The following SWT1 variants were observed in gnomAD, a reference collection of about 807,000 sequenced individuals.
The protein encoded by SWT1 is SWT1 RNA endoribonuclease homolog.
Under a neutral mutation model 107.3 loss-of-function variants are expected in SWT1, and 33 were observed. The ratio of observed to expected loss-of-function variants is 0.31; its 90% CI spans 0.23 to 0.41. SWT1 has a LOEUF of 0.41. Among genes scored for constraint, SWT1 ranks in the 10% least tolerant of loss-of-function variants. SWT1 has a pLI of 1.00. For synonymous variants in SWT1, 345 were observed against 348.3 expected (o/e 0.99, Z 0.11); for missense variants, 898 against 1,028.9 (o/e 0.87, Z 1.74).
chr1:185,265,428 C>CT (rs1406881434), intron 16 of SWT1, among the ~76,000 whole-genome samples: 1 of 152,118 alleles, frequency 6.6e-6, no homozygotes, highest in Non-Finnish European at 1.5e-5. Flanking sequence ...AGATCCAAGA[C>CT]TTTTTTTCCT....
intron 16 of SWT1, among the ~76,000 whole-genome samples, chr1:185,248,111 C>G (rs1388742320): frequency 1.3e-5 from 2 of 152,180 alleles, no homozygotes; most frequent in Non-Finnish European, 2.9e-5. Flanking sequence ...TGCTTGGAAG[C>G]AGTTGTGAAC....
intron 16 of SWT1, among the ~76,000 whole-genome samples, chr1:185,241,039 A>G (rs932876181): frequency 6.6e-6 from 1 of 152,064 alleles, no homozygotes; most frequent in Non-Finnish European, 1.5e-5. Context: ...GACTTACTGT[A>G]TATATTGATA....
At chr1:185,266,645 A>G (rs1412434631) in intron 16 of SWT1, 1 of 151,376 alleles carries the variant, frequency 6.6e-6, no homozygotes, top group Non-Finnish European at 1.5e-5. Flanking sequence ...ATTTTTTTTT[A>G]AACCTTGAGT....
chr1:185,216,869 C>T (rs1659255784), intron 14 of SWT1, among the ~76,000 whole-genome samples: 1 of 151,580 alleles, frequency 6.6e-6, no homozygotes, highest in Admixed American at 6.6e-5. Context: ...GGAGAATTAC[C>T]TGAACCCAGG....
chr1:185,195,296 G>A (rs560017047), intron 10 of SWT1, among the ~76,000 whole-genome samples: 1 of 152,128 alleles, frequency 6.6e-6, no homozygotes, highest in African/African-American at 2.4e-5. Context: ...ATGGCTTCCA[G>A]TGTCATCCAT....
At chr1:185,259,656 T>A (rs996791505) in intron 16 of SWT1, among the ~76,000 whole-genome samples, 11 of 152,088 alleles carry the variant, frequency 7.2e-5, no homozygotes, top group African/African-American at 2.7e-4. Flanking sequence ...TGCTGACTCC[T>A]GGGGACATTG....
chr1:185,212,059 G>A (rs1658859457), intron 13 of SWT1, among the ~76,000 whole-genome samples: 1 of 152,064 alleles, frequency 6.6e-6, no homozygotes, highest in Non-Finnish European at 1.5e-5. Context: ...ACTGTTGTGG[G>A]GTGGGGGGAG....
intron 5 of SWT1, chr1:185,177,122 G>A (rs1294391656): frequency 5.7e-5 from 47 of 825,024 alleles, no homozygotes; most frequent in Non-Finnish European, 6.4e-5. Context: ...GGCCCAAAGA[G>A]GGCAAGAATT....
intron 3 of SWT1, 22 bp from the exon 4 acceptor site, chr1:185,168,318 G>A: frequency 3.3e-6 from 4 of 1,230,104 alleles, no homozygotes; most frequent in Non-Finnish European, 4.3e-6. Context: ...CAATTTATGT[G>A]TCCTTTTTTT....
chr1:185,185,401 A>G (rs1051114309), intron 9 of SWT1, among the ~76,000 whole-genome samples: 25 of 152,150 alleles, frequency 1.6e-4, no homozygotes, highest in Non-Finnish European at 3.4e-4. Context: ...ATTTTTTTCA[A>G]TATTAGTTTC....
At chr1:185,262,329 C>A (rs1031519824) in intron 16 of SWT1, 3 of 152,182 alleles carry the variant, frequency 2.0e-5, no homozygotes, top group Non-Finnish European at 4.4e-5. Flanking sequence ...ATTGTTAACC[C>A]TGATCATAGA....
At chr1:185,279,200 CA>C (rs1664453319) in intron 18 of SWT1, among the ~76,000 whole-genome samples, 1 of 152,058 alleles carries the variant, frequency 6.6e-6, no homozygotes, top group South Asian at 2.1e-4. Flanking sequence ...TGAGATGTGT[CA>C]AAAATATAAC....
intron 1 of SWT1, 129 bp from the exon 2 acceptor site, chr1:185,160,704 A>G (rs1403464670): frequency 8.9e-6 from 6 of 676,110 alleles, no homozygotes; most frequent in African/African-American, 1.8e-5. Context: ...TCCATCTCAA[A>G]AAAAAATAAA....
At chr1:185,234,760 T>C (rs1660743000) in intron 16 of SWT1, among the ~76,000 whole-genome samples, 2 of 152,192 alleles carry the variant, frequency 1.3e-5, no homozygotes, top group Admixed American at 1.3e-4. Context: ...GTACCGGTTG[T>C]TCCTTTCCAT....
chr1:185,231,735 T>G (rs370972148), intron 16 of SWT1, 27 bp downstream of exon 16: 1 of 1,546,884 alleles, frequency 6.5e-7, no homozygotes, highest in African/African-American at 1.4e-5. Flanking sequence ...TTTTAAAGTG[T>G]TATTTACTTA....
chr1:185,258,672 T>G (rs1662799440), intron 16 of SWT1, among the ~76,000 whole-genome samples: 1 of 152,180 alleles, frequency 6.6e-6, no homozygotes, highest in South Asian at 2.1e-4. Context: ...ATGGGAAGTC[T>G]GCTGTCAACA....
intron 5 of SWT1, among the ~76,000 whole-genome samples, chr1:185,180,081 G>A (rs1193681292): frequency 6.6e-6 from 1 of 152,238 alleles, no homozygotes; most frequent in East Asian, 1.9e-4. Context: ...CTACTCAGGT[G>A]GCTGAGGCGG....
chr1:185,276,964 A>G (rs1664283683), intron 18 of SWT1, among the ~76,000 whole-genome samples: 1 of 152,110 alleles, frequency 6.6e-6, no homozygotes, highest in Admixed American at 6.6e-5. Flanking sequence ...TTATCTAGCT[A>G]TATTTGCTGT....
intron 13 of SWT1, among the ~76,000 whole-genome samples, chr1:185,208,361 G>T (rs1235947442): frequency 6.6e-6 from 1 of 152,192 alleles, no homozygotes; most frequent in Admixed American, 6.5e-5. Context: ...TGGGGAAGGT[G>T]CAGTGGTAGG....
Sources: allele counts gnomAD v4.1 joint callset (sites outside exome capture counted in the v4.1 genomes callset), GRCh38; gene constraint gnomAD v4.1.1; transcripts MANE v1.5; gene names NCBI Gene and HGNC (gene_info 2026-07-23, HGNC 2026-07-21).